Variants in ZNF705G observed in about 807,000 individuals in gnomAD.
ZNF705G encodes the protein putative zinc finger protein 705G.
ZNF705G carries 23 observed loss-of-function variants against 19.6 expected under a neutral mutation model. The ratio of observed to expected loss-of-function variants is 1.17; its 90% CI spans 0.84 to 1.66. The LOEUF (loss-of-function observed/expected upper bound fraction) is 1.66, where lower values mean the gene tolerates loss of function less well. Ranked by LOEUF, ZNF705G falls within the 40% of genes most tolerant of loss-of-function variation. The probability of loss-of-function intolerance (pLI) is 0.00; values close to 1 mark genes in which losing one functional copy is unlikely to be tolerated. For synonymous variants in ZNF705G, 146 were observed against 117.7 expected (o/e 1.24, Z -1.56); for missense variants, 457 against 354.4 (o/e 1.29, Z -2.32).
intron 4 of ZNF705G, 107 bp from the exon 5 acceptor site, chr8:7,360,439 G>C: frequency 6.5e-7 from 1 of 1,538,318 alleles, no homozygotes; most frequent in South Asian, 1.1e-5. Flanking sequence ...GTGAAGGTCA[G>C]CTCAGGCCAC....
At chr8:7,368,328 G>A (rs1806953554) in intron 2 of ZNF705G, among the ~76,000 whole-genome samples, 1 of 149,372 alleles carries the variant, frequency 6.7e-6, no homozygotes, top group African/African-American at 2.6e-5. Context: ...AAGTACTTTT[G>A]AGTGTATTAT....
Position 7,358,228 on chromosome 8 carries a change from T to A in ZNF705G, c.651A>T (p.Arg217Ser), listed in dbSNP as rs528583579. ...TCTGTCCCGTGTGAGTTTTCTCGTG[T>A]CTTCTAAGGTGAGAACACTGAGTGA... ...KAFTQCSHLR[R>S]HEKTHTGQRP... is the part of the protein sequence containing the mutation. The change falls in exon 7 of 7, where the codon AGA (arginine) becomes AGT (serine). Residue 217 changes from arginine to serine, a missense_variant. Coordinates refer to ENST00000400156, the MANE Select transcript of ZNF705G (RefSeq NM_001164457.3). 1.3e-5 allele frequency: 21 copies of A among 1,607,704 alleles called. 2 individuals are homozygous for A. In the South Asian group the frequency reaches 2.0e-4, roughly 15 times the overall value.
At chr8:7,368,397 C>T (rs115795144) in intron 2 of ZNF705G, among the ~76,000 whole-genome samples, 2,868 of 149,400 alleles carry the variant, frequency 0.019, 389 homozygotes, top group African/African-American at 0.07. Flanking sequence ...AAACTAGAGT[C>T]TTCTGGAGAC....
chr8:7,368,377 G>A (rs1482206027), intron 2 of ZNF705G, among the ~76,000 whole-genome samples: 1 of 149,502 alleles, frequency 6.7e-6, no homozygotes, highest in Non-Finnish European at 1.5e-5. Context: ...GATACAACAA[G>A]AAACCAGACA....
rs576873585 is a variant in ZNF705G at position 7,360,277 on chromosome 8, C to G, written c.195G>C (p.Leu65=). The change falls in exon 5 of 7, where the codon CTG becomes CTC. Residue 65 remains leucine (L), a synonymous_variant. Transcript: ENST00000400156. ...GAAGAAATACTCTTCCTTCCCTCCA[C>G]AGCTCTTTTCCTTGCTCCAGCTGCA... The part of the protein sequence containing the change: ...IILQLEQGKE[L]WREGRVFLQD... 502 of 1,591,498 alleles carry G rather than the reference C, an allele frequency of 3.2e-4. 55 individuals are homozygous for G. The African/African-American group carries it at 6.4e-3, about 20-fold the overall frequency.
intron 6 of ZNF705G, among the ~76,000 whole-genome samples, chr8:7,359,364 G>A (rs1806460412): frequency 6.7e-6 from 1 of 149,748 alleles, no homozygotes; most frequent in Non-Finnish European, 1.5e-5. Context: ...TTGCATAATT[G>A]TGTTGATATC....
At chr8:7,358,654 G>A (rs1393767343) in intron 6 of ZNF705G, 94 bp from the exon 7 acceptor site, 4 of 1,550,578 alleles carry the variant, frequency 2.6e-6, no homozygotes, top group Admixed American at 1.8e-5. Flanking sequence ...ACCATTCAGT[G>A]GTAGACCCCA....
chr8:7,357,856 G>A lies in ZNF705G; in HGVS notation c.*120C>T. Reference sequence around the variant, plus strand: ...TAAAGTCAGAATATGTTCTGAAGAAGTTTATAATTTTCTCTCCAGGGTGAA... The same window carrying A: ...TAAAGTCAGAATATGTTCTGAAGAAATTTATAATTTTCTCTCCAGGGTGAA... On this transcript the variant is annotated 3_prime_UTR_variant, in exon 7 of 7. Coordinates refer to ENST00000400156, the MANE Select transcript of ZNF705G (RefSeq NM_001164457.3). The A allele has an allele frequency of 1.4e-6, 2 of 1,471,908 alleles. No individual in the cohort carries two copies. The highest frequency in any genetic ancestry group is 2.4e-5 in the East Asian group (1 of 42,532). The allele number at this position is 1,471,908 out of a possible 1,614,324, so 91.2% of individuals were successfully genotyped here.
In ZNF705G at chr8:7,359,799, G is replaced by T. The variant is rs569616306; in HGVS notation, c.236-98C>A. On this transcript the variant is annotated intron_variant, in intron 5 of 6. Transcript: ENST00000400156. ...ACGTACTTTTTTCAAAAATTGACAC[G>T]TAGATGTGGCAAGTGTGTCAAATGA... 1.7e-4 allele frequency: 270 copies of T among 1,553,822 alleles called. 13 individuals carry two copies. The African/African-American group carries it at 1.8e-3, about 10-fold the overall frequency.
In ZNF705G at chr8:7,381,632, C is replaced by T. The variant is rs553264925; in HGVS notation, c.-221-31G>A. 98 of 146,830 alleles carry T rather than the reference C, an allele frequency of 6.7e-4. 3 individuals carry two copies. Among genetic ancestry groups the T allele is most frequent in the Middle Eastern group, 3.4e-3 (1 of 292 alleles). The allele number at this position is 146,830 out of a possible 1,614,324, so 9.1% of individuals were successfully genotyped here. A position where few individuals can be genotyped will look rare whatever the true frequency, so the allele number is the denominator to read the frequency against. On this transcript the variant is annotated intron_variant, in intron 1 of 6. Coordinates refer to ENST00000400156, the MANE Select transcript of ZNF705G (RefSeq NM_001164457.3). The stretch of plus-strand genomic sequence containing the variant: ...AATGAGTTTGAATTCAGCTGGGAAA[C>T]TAACACAGGAATAGAAAACCAAATA...
At chr8:7,378,031 A>G (rs1314992371) in intron 2 of ZNF705G, among the ~76,000 whole-genome samples, 1 of 148,644 alleles carries the variant, frequency 6.7e-6, no homozygotes, top group Admixed American at 6.6e-5. Context: ...GTATCCTTCT[A>G]TCCCATCTAG....
At chr8:7,366,917 A>T (rs1458668198) in intron 2 of ZNF705G, among the ~76,000 whole-genome samples, 3 of 149,664 alleles carry the variant, frequency 2.0e-5, no homozygotes, top group Admixed American at 6.6e-5. Context: ...GAATTTCTAG[A>T]TTGGCCACGA....
intron 6 of ZNF705G, among the ~76,000 whole-genome samples, chr8:7,359,289 G>A (rs1249025310): frequency 1.3e-5 from 2 of 149,608 alleles, no homozygotes; most frequent in South Asian, 2.1e-4. Flanking sequence ...ATTGACAATT[G>A]CATACACATT....
rs1806573607 is a variant in ZNF705G at position 7,361,177 on chromosome 8, C to A, written c.72G>T (p.Met24Ile). 1 of 1,592,922 alleles carries A rather than the reference C, an allele frequency of 6.3e-7. No individual in the cohort carries two copies. Among genetic ancestry groups the A allele is most frequent in the African/African-American group, 1.4e-5 (1 of 70,820 alleles). The change falls in exon 4 of 7, where the codon ATG becomes ATT. Residue 24 changes from methionine to isoleucine, a missense_variant. Coordinates refer to ENST00000400156, the MANE Select transcript of ZNF705G (RefSeq NM_001164457.3). ...TGTACAGCTTTCTCTTGGATGTGTC[C>A]ATCATGGCCCACTCTTCCTGGGTGA... ...IDFTQEEWAM[M>I]DTSKRKLYRD... is the part of the protein sequence containing the mutation.
At position 7,359,752 on chromosome 8, in the gene ZNF705G, T is replaced by A. The variant is rs1325638476; in HGVS notation, c.236-51A>T. 5 of 1,603,862 alleles carry A rather than the reference T, an allele frequency of 3.1e-6. No homozygotes were observed. In the Admixed American group the frequency reaches 6.7e-5, roughly 21 times the overall value. ...TACATTGGTATTATGGTAATAAAAT[T>A]GTTTGAAAAGCCCCAAAGCCCACGT... On this transcript the variant is annotated intron_variant, in intron 5 of 6. Transcript: ENST00000400156.
Position 7,358,283 on chromosome 8 carries a change from G to A in ZNF705G, c.596C>T (p.Pro199Leu). 1 of 1,607,698 alleles carries A rather than the reference G, an allele frequency of 6.2e-7. No homozygotes were observed. The highest frequency in any genetic ancestry group is 8.5e-7 in the Non-Finnish European group (1 of 1,179,628). ...TTTTCTACATAGATGACATGCATAT[G>A]GCCTCTCTCCAGTGTGAGTCATCTT... ...RHKMTHTGER[P>L]YACHLCRKAF... The change falls in exon 7 of 7, where the codon CCA (proline) becomes CTA (leucine). Residue 199 changes from proline to leucine, a missense_variant. Physicochemically the swap from Pro to Leu is moderately conservative, Grantham distance 98 (BLOSUM62 -3). Transcript: ENST00000400156.
Position 7,359,488 on chromosome 8 carries a change from ATT to A in ZNF705G, c.318+129_318+130del, listed in dbSNP as rs58990182. 4,187 of 1,333,244 alleles carry A rather than the reference ATT, an allele frequency of 3.1e-3. 306 individuals carry two copies. The African/African-American group carries it at 0.046, about 15-fold the overall frequency. The allele number at this position is 1,333,244 out of a possible 1,614,324, so 82.6% of individuals were successfully genotyped here. On this transcript the variant is annotated intron_variant, in intron 6 of 6. Coordinates refer to ENST00000400156, the MANE Select transcript of ZNF705G (RefSeq NM_001164457.3). ...GTATTCACTAAATTCAAAGTATCCAATTTTTTTTTTTTGCTTAGAAAACACTT... is the reference window on the plus strand; with the variant it reads ...GTATTCACTAAATTCAAAGTATCCAATTTTTTTTTTGCTTAGAAAACACTT...
chr8:7,369,308 A>G (rs3989715), intron 2 of ZNF705G, among the ~76,000 whole-genome samples: 55,320 of 146,894 alleles, frequency 0.38, 5,662 homozygotes, highest in African/African-American at 0.51. Flanking sequence ...TGTATGTCCA[A>G]TAGAAGTCTG....
chr8:7,385,105 G>T (rs1323176509), intron 1 of ZNF705G, among the ~76,000 whole-genome samples: 1 of 147,914 alleles, frequency 6.8e-6, no homozygotes, highest in Non-Finnish European at 1.5e-5. Context: ...TTGAGGTTCA[G>T]AGAATGAACA....
Sources: allele counts gnomAD v4.1 joint callset (sites outside exome capture counted in the v4.1 genomes callset), GRCh38; gene constraint gnomAD v4.1.1; transcripts MANE v1.5; gene names NCBI Gene and HGNC (gene_info 2026-07-23, HGNC 2026-07-21).